Variants in TNFSF11 observed in about 807,000 individuals in gnomAD.
TNFSF11 encodes TNF superfamily member 11, also known as tumor necrosis factor ligand superfamily member 11.
A neutral mutation model predicts 32.2 loss-of-function variants in TNFSF11; 12 were observed. The observed-to-expected ratio is 0.37, with a 90% confidence interval of 0.24 to 0.60. The LOEUF is 0.60. TNFSF11 is among the 20% of genes least tolerant of loss of function. The pLI is 0.66. For missense variants in TNFSF11, 345 were observed against 398.0 expected (o/e 0.87, Z 1.13); for synonymous variants, 172 against 152.1 (o/e 1.13, Z -0.96).
chr13:42,585,619 C>T (rs924055419), intron 2 of TNFSF11, among the ~76,000 whole-genome samples: 1 of 152,174 alleles, frequency 6.6e-6, no homozygotes, highest in Non-Finnish European at 1.5e-5. Flanking sequence ...TAAAGTGATT[C>T]TTGTTTCCAG....
At chr13:42,592,686 G>A (rs1444683278) in intron 2 of TNFSF11, among the ~76,000 whole-genome samples, 1 of 152,194 alleles carries the variant, frequency 6.6e-6, no homozygotes, top group Non-Finnish European at 1.5e-5. Context: ...GTTTGGCTCT[G>A]TGTCTCCACC....
chr13:42,600,854 T>A, intron 3 of TNFSF11, 29 bp from the exon 4 acceptor site: 1 of 1,614,118 alleles, frequency 6.2e-7, no homozygotes. Context: ...CTATTTTGGC[T>A]ATAATAATAT....
chr13:42,572,478 G>GA (rs1873103224), upstream of TNFSF11, among the ~76,000 whole-genome samples: 1 of 152,090 alleles, frequency 6.6e-6, no homozygotes, highest in South Asian at 2.1e-4. Context: ...AGCAGGGAGA[G>GA]AATGAGGAAG....
chr13:42,574,643 AG>A (rs1873219862), intron 1 of TNFSF11, 121 bp downstream of exon 1: 1 of 1,238,816 alleles, frequency 8.1e-7, no homozygotes, highest in African/African-American at 1.5e-5. Context: ...CGGAAGGGAA[AG>A]TGACTCCAGA....
intron 4 of TNFSF11, among the ~76,000 whole-genome samples, chr13:42,605,341 A>G (rs1869398364): frequency 6.6e-6 from 1 of 152,164 alleles, no homozygotes. Flanking sequence ...TGACCACCTT[A>G]GTTTAGTATA....
intron 2 of TNFSF11, among the ~76,000 whole-genome samples, chr13:42,583,756 GGAACATGACCAA>G (rs1158195786): frequency 6.6e-6 from 1 of 151,994 alleles, no homozygotes; most frequent in East Asian, 1.9e-4. Flanking sequence ...CTTAAAGTCA[GGAACATGACCAA>G]GATGCCCACT....
chr13:42,572,459 G>C (rs985382703), upstream of TNFSF11, among the ~76,000 whole-genome samples: 3 of 152,122 alleles, frequency 2.0e-5, no homozygotes, highest in African/African-American at 4.8e-5. Context: ...ATTATTTCCT[G>C]AGTCAAGGAG....
chr13:42,601,708 A>T (rs778815172), intron 4 of TNFSF11, among the ~76,000 whole-genome samples: 1 of 152,166 alleles, frequency 6.6e-6, no homozygotes, highest in Non-Finnish European at 1.5e-5. Context: ...ACACTTGAAG[A>T]TCTTAAAGGG....
chr13:42,564,211 C>T (rs1371960400), intron 1 of TNFSF11, among the ~76,000 whole-genome samples: 1 of 152,046 alleles, frequency 6.6e-6, no homozygotes, highest in Non-Finnish European at 1.5e-5. Context: ...AGTTCTCTAT[C>T]TCTTCATCCA....
At chr13:42,589,401 C>T (rs445447) in intron 2 of TNFSF11, among the ~76,000 whole-genome samples, 151,629 of 152,306 alleles carry the variant, frequency 1, 75,482 homozygotes, top group Middle Eastern at 1. Flanking sequence ...CCCCTCCTGG[C>T]CTCACTGCCA....
intron 1 of TNFSF11, among the ~76,000 whole-genome samples, chr13:42,564,204 T>C (rs1381979422): frequency 6.6e-6 from 1 of 152,216 alleles, no homozygotes; most frequent in Non-Finnish European, 1.5e-5. Context: ...TTGTTGCAGT[T>C]CTCTATCTCT....
At chr13:42,563,497 T>C (rs1872756494) in intron 1 of TNFSF11, among the ~76,000 whole-genome samples, 1 of 152,072 alleles carries the variant, frequency 6.6e-6, no homozygotes, top group African/African-American at 2.4e-5. Context: ...ACCTTGTCTC[T>C]ACCAAAATTA....
At chr13:42,599,780 A>C (rs1414798659) in intron 2 of TNFSF11, among the ~76,000 whole-genome samples, 1 of 152,100 alleles carries the variant, frequency 6.6e-6, no homozygotes, top group African/African-American at 2.4e-5. Flanking sequence ...GTGTTGGCCC[A>C]GCTGATCTTG....
chr13:42,606,249 G>A (rs1348010276), intron 4 of TNFSF11, among the ~76,000 whole-genome samples: 1 of 152,036 alleles, frequency 6.6e-6, no homozygotes, highest in Admixed American at 6.6e-5. Flanking sequence ...CTTACCCCTG[G>A]TGCACTATAG....
At chr13:42,563,823 C>G (rs1872771611) in intron 1 of TNFSF11, among the ~76,000 whole-genome samples, 1 of 152,032 alleles carries the variant, frequency 6.6e-6, no homozygotes, top group Admixed American at 6.5e-5. Flanking sequence ...TTTCTTTGTA[C>G]ATACCCACTT....
At chr13:42,591,332 A>G (rs346588) in intron 2 of TNFSF11, among the ~76,000 whole-genome samples, 24,013 of 151,970 alleles carry the variant, frequency 0.16, 2,198 homozygotes, top group East Asian at 0.3. Context: ...TACCCTACCT[A>G]CCTTCGCTCC....
chr13:42,603,934 T>C (rs1421074623), intron 4 of TNFSF11, among the ~76,000 whole-genome samples: 3 of 152,164 alleles, frequency 2.0e-5, no homozygotes, highest in Admixed American at 2.0e-4. Context: ...AGTAAGTCAA[T>C]GCACAAAAAT....
chr13:42,606,815 G>T lies in TNFSF11; in HGVS notation c.851G>T (p.Arg284Leu), dbSNP rs61761332. 4 of 1,613,518 alleles carry T rather than the reference G, an allele frequency of 2.5e-6. No individual in the cohort carries two copies. The South Asian group carries it at 4.4e-5, about 18-fold the overall frequency. ...AACGTTGGTGGATTTTTTAAGTTAC[G>T]GTCTGGAGAGGAAATCAGCATCGAG... Reference protein sequence around the residue: ...SINVGGFFKLRSGEEISIEVS... With the variant: ...SINVGGFFKLLSGEEISIEVS... The change falls in exon 5 of 5, where the codon CGG becomes CTG. Residue 284 changes from arginine to leucine, a missense_variant. Physicochemically the swap from Arg to Leu is moderately radical, Grantham distance 102. This residue lies in a region of TNFSF11 where 148 missense variants were observed against 216.0 expected (regional missense o/e 0.69). Coordinates refer to ENST00000398795, the MANE Select transcript of TNFSF11 (RefSeq NM_003701.4).
At chr13:42,583,347 C>T (rs1020781673) in intron 2 of TNFSF11, among the ~76,000 whole-genome samples, 12 of 143,598 alleles carry the variant, frequency 8.4e-5, no homozygotes, top group East Asian at 8.3e-4. Context: ...GGGAGGTGGA[C>T]GCTGCAGTGA....
Sources: allele counts gnomAD v4.1 joint callset (sites outside exome capture counted in the v4.1 genomes callset), GRCh38; gene constraint gnomAD v4.1.1; regional missense constraint gnomAD v4.1.1; transcripts MANE v1.5; gene names NCBI Gene and HGNC (gene_info 2026-07-23, HGNC 2026-07-21).